Variants in PCGF3 observed in about 807,000 individuals in gnomAD.
The protein encoded by PCGF3 is polycomb group RING finger protein 3.
A neutral mutation model predicts 33.1 loss-of-function variants in PCGF3; 7 were observed. The ratio of observed to expected loss-of-function variants is 0.21; its 90% CI spans 0.12 to 0.40. PCGF3 has a LOEUF of 0.40. Ranked by LOEUF, PCGF3 falls within the 10% of genes least tolerant of loss-of-function variation. The pLI is 1.00. For missense variants in PCGF3, 211 were observed against 313.3 expected (o/e 0.67, Z 2.46); for synonymous variants, 153 against 121.3 (o/e 1.26, Z -1.72).
At chr4:736,608 A>C (rs1225673469) in intron 5 of PCGF3, among the ~76,000 whole-genome samples, 1 of 113,790 alleles carries the variant, frequency 8.8e-6, no homozygotes, top group African/African-American at 3.6e-5. Context: ...GGGTGTCCGC[A>C]GGGACGGTGT....
chr4:733,540 A>G, intron 3 of PCGF3, 132 bp from the exon 4 acceptor site: 1 of 831,114 alleles, frequency 1.2e-6, no homozygotes, highest in Non-Finnish European at 1.8e-6. Context: ...GGACCCCGTG[A>G]GCCCAAGAGG....
At chr4:712,984 A>AGCTGTGGGCCTCATGGGG (rs1742638731) in intron 1 of PCGF3, among the ~76,000 whole-genome samples, 1 of 139,742 alleles carries the variant, frequency 7.2e-6, no homozygotes, top group Non-Finnish European at 1.5e-5. Context: ...GCCTCGTGGG[A>AGCTGTGGGCCTCATGGGG]GCTGTGGGCC....
intron 8 of PCGF3, among the ~76,000 whole-genome samples, chr4:750,218 A>G (rs1744451417): frequency 1.3e-5 from 2 of 152,374 alleles, no homozygotes; most frequent in South Asian, 4.1e-4. Context: ...CTGTAATTTC[A>G]TCAGAGTTCC....
chr4:770,017 A>G (rs1355029482), exon 11 of PCGF3: 1 of 152,542 alleles, frequency 6.6e-6, no homozygotes, highest in Non-Finnish European at 1.5e-5. Context: ...TGATTTTATG[A>G]TAGTGAAGCT....
Position 759,907 on chromosome 4 carries a change from C to G in PCGF3, c.463-1372C>G, listed in dbSNP as rs1433347346. ...TCCGGGTCTTTCTCCCCGCGCGGCC[C>G]CTCTCCCGAGTTCTTCTCCTTCCGG... On this transcript the variant is annotated intron_variant, in intron 8 of 10. Coordinates refer to ENST00000362003, the Ensembl canonical transcript of PCGF3. 3.8e-4 allele frequency among the ~76,000 whole-genome samples: 55 copies of G among 144,700 alleles called. 1 individual carries two copies. Among genetic ancestry groups the G allele is most frequent in the Admixed American group, 3.8e-3 (55 of 14,612 alleles). 94.9% of individuals were successfully genotyped at this position (144,700 alleles called of 152,430 possible).
chr4:737,456 C>T lies in PCGF3; in HGVS notation c.207-10C>T, dbSNP rs200479486. On this transcript the variant is annotated splice_polypyrimidine_tract_variant and intron_variant, in intron 5 of 10. Coordinates refer to ENST00000362003, the Ensembl canonical transcript of PCGF3. The stretch of plus-strand genomic sequence containing the variant: ...TTCCAGCTAACTCCACCTTTCTGTT[C>T]TTTTGCCAGTCATGACAGAACCATG... 87 of 1,594,270 alleles carry T rather than the reference C, an allele frequency of 5.5e-5. No homozygotes were observed. The highest frequency in any genetic ancestry group is 7.5e-5 in the Non-Finnish European group (87 of 1,162,396).
At chr4:761,533 GAAAA>G in intron 9 of PCGF3, 117 bp downstream of exon 9, 1 of 1,425,610 alleles carries the variant, frequency 7.0e-7, no homozygotes, top group Non-Finnish European at 9.4e-7. Flanking sequence ...ATTTTAACCA[GAAAA>G]AAATCCGTTT....
At chr4:733,059 GCGTGCTGCCTCCGCCCCTGCCC>G (rs367602625) in intron 3 of PCGF3, among the ~76,000 whole-genome samples, 62,886 of 146,294 alleles carry the variant, frequency 0.43, 14,280 homozygotes, top group African/African-American at 0.6. Flanking sequence ...GGCCCCTGCC[GCGTGCTGCCTCCGCCCCTGCCC>G]CGTGCTGCCT....
intron 1 of PCGF3, among the ~76,000 whole-genome samples, chr4:715,355 C>G (rs1292613631): frequency 8.8e-5 from 12 of 136,320 alleles, no homozygotes; most frequent in African/African-American, 3.3e-4. Context: ...GTGCTGGGAC[C>G]TTGTAGACAC....
chr4:763,940 T>C (rs1485973412), intron 9 of PCGF3, among the ~76,000 whole-genome samples: 1 of 152,062 alleles, frequency 6.6e-6, no homozygotes, highest in Non-Finnish European at 1.5e-5. Flanking sequence ...TGTTACTAAG[T>C]AGAGAAGCCC....
Position 744,621 on chromosome 4 carries a change from G to C in PCGF3, c.395G>C (p.Ser132Thr), listed in dbSNP as rs765730151. 11 of 1,559,822 alleles carry C rather than the reference G, an allele frequency of 7.1e-6. 1 individual carries two copies. The South Asian group carries it at 1.2e-4, about 17-fold the overall frequency. ...AAAGGTGAAACCAAAGCAGACGACA[G>C]TTCAAACAAAGAGGCCGCGGAGGAG... Residue 132 changes from serine (S) to threonine (T), a missense_variant, in exon 8 of 11, where the codon AGT (serine) becomes ACT (threonine). Physicochemically the swap from Ser to Thr is moderately conservative, Grantham distance 58. Coordinates refer to ENST00000362003, the Ensembl canonical transcript of PCGF3.
intron 1 of PCGF3, among the ~76,000 whole-genome samples, chr4:729,362 C>T (rs1359088157): frequency 6.6e-6 from 1 of 151,738 alleles, no homozygotes; most frequent in East Asian, 1.9e-4. Context: ...CTGTAGTGAG[C>T]CAAGATCGTG....
At chr4:712,474 T>G (rs1742614033) in intron 1 of PCGF3, among the ~76,000 whole-genome samples, 1 of 152,160 alleles carries the variant, frequency 6.6e-6, no homozygotes, top group Non-Finnish European at 1.5e-5. Context: ...TGAGATGGAG[T>G]TTTGCTCTTG....
intron 8 of PCGF3, among the ~76,000 whole-genome samples, chr4:752,846 C>T (rs1330710891): frequency 6.6e-6 from 1 of 152,268 alleles, no homozygotes; most frequent in East Asian, 1.9e-4. Context: ...CAGATCCAAA[C>T]ACTCGGCCTC....
intron 5 of PCGF3, among the ~76,000 whole-genome samples, chr4:737,158 G>A (rs1223227365): frequency 2.0e-5 from 3 of 151,392 alleles, no homozygotes; most frequent in Non-Finnish European, 4.4e-5. Flanking sequence ...CTGCAGGGAC[G>A]GTGTCCCCTG....
chr4:734,241 A>C, intron 4 of PCGF3: 1 of 1,495,158 alleles, frequency 6.7e-7, no homozygotes, highest in Non-Finnish European at 9.0e-7. Flanking sequence ...TGTTTTTCTA[A>C]GTGTGGCTAC....
Position 727,233 on chromosome 4 carries a change from CTTTTTTTTTT to C in PCGF3, c.-189-3381_-189-3372del, listed in dbSNP as rs57690550. On this transcript the variant is annotated intron_variant, in intron 1 of 10. Transcript: ENST00000362003. ...AGAGGATGTGTGTGTTAGCGAGCGT[CTTTTTTTTTT>C]TTTTTTTTTTTTTTTGAGATGGAGT... Among the ~76,000 whole-genome samples, 7 of 61,900 alleles carry C rather than the reference CTTTTTTTTTT, an allele frequency of 1.1e-4. 1 individual carries two copies. The highest frequency in any genetic ancestry group is 8.7e-4 in the South Asian group (1 of 1,146). The allele number at this position is 61,900 out of a possible 152,430, so 40.6% of individuals were successfully genotyped here.
exon 11 of PCGF3, chr4:767,325 TC>T (rs1553849693): frequency 6.6e-6 from 1 of 152,048 alleles, no homozygotes; most frequent in Non-Finnish European, 1.5e-5. Context: ...TTTTTTTTTT[TC>T]CTTTAAAACA....
intron 8 of PCGF3, among the ~76,000 whole-genome samples, chr4:754,536 G>C (rs1744682586): frequency 6.6e-6 from 1 of 152,228 alleles, no homozygotes; most frequent in African/African-American, 2.4e-5. Context: ...CTGGACTGTA[G>C]AGGTGAGGCA....
Sources: allele counts gnomAD v4.1 joint callset (sites outside exome capture counted in the v4.1 genomes callset), GRCh38; gene constraint gnomAD v4.1.1; transcripts MANE v1.5; gene names NCBI Gene and HGNC (gene_info 2026-07-23, HGNC 2026-07-21).